ANPEP: variants seen among roughly 807,000 people sequenced by gnomAD.
ANPEP encodes aminopeptidase N.
ANPEP carries 70 observed loss-of-function variants against 114.6 expected under a neutral mutation model. The ratio of observed to expected loss-of-function variants is 0.61; its 90% CI spans 0.50 to 0.75. ANPEP has a LOEUF of 0.75. Ranked by LOEUF, ANPEP falls within the 30% of genes least tolerant of loss-of-function variation. ANPEP has a pLI of 0.00. For synonymous variants in ANPEP, 548 were observed against 522.3 expected, an observed-to-expected ratio of 1.05 and a Z score of -0.67; for missense variants, 1,184 against 1,259.5, an observed-to-expected ratio of 0.94 and a Z score of 0.91.
Position 89,806,587 on chromosome 15 carries a change from G to A in ANPEP, c.-4C>T, listed in dbSNP as rs747767728. On this transcript the variant is annotated 5_prime_UTR_variant, in exon 2 of 21. Transcript: ENST00000300060. This position sits in a 1 kb window ranked among gnomAD's most constrained non-coding sequence, Gnocchi z 5.7. ...AAATATAGAAGCCCTTGGCCATGGT[G>A]ATGGTGGGGAGGCGGCTCAGGGAGC... 1.3e-6 allele frequency: 2 copies of A among 1,586,902 alleles called. No homozygotes were observed. Among genetic ancestry groups the A allele is most frequent in the South Asian group, 1.1e-5 (1 of 88,412 alleles).
In ANPEP at chr15:89,804,472, C is replaced by G. The variant is rs754104180; in HGVS notation, c.1024+19G>C. On this transcript the variant is annotated intron_variant, in intron 5 of 20. Transcript: ENST00000300060. ...TGGAGCTCCATCCACTGCCTCCCTC[C>G]TCAAGGACCCCCACTCACCTGATTT... is the stretch of plus-strand genomic sequence containing the variant. The G allele has an allele frequency of 1.9e-6, 3 of 1,614,152 alleles. No individual in the cohort carries two copies. The East Asian group carries it at 6.7e-5, about 36-fold the overall frequency.
At chr15:89,797,798 C>A (rs1355368808) in intron 14 of ANPEP, 76 bp from the exon 15 acceptor site, 18 of 1,587,846 alleles carry the variant, frequency 1.1e-5, no homozygotes, top group Non-Finnish European at 1.5e-5. Context: ...CAACCCAGGC[C>A]CTCAAAGATG....
chr15:89,803,650 G>T lies in ANPEP; in HGVS notation c.1434C>A (p.Ser478Arg), dbSNP rs371398651. The T allele has an allele frequency of 3.1e-6, 5 of 1,611,170 alleles. No individual in the cohort carries two copies. In the South Asian group the frequency reaches 5.5e-5, roughly 18 times the overall value. ...CCCCACGAGGAGCGGGCTGCACCTT[G>T]CTGTAGGAGATGGCGTCAAACAGCT... Reference protein sequence around the residue: ...ISELFDAISYSKGASVLRMLS... With the variant: ...ISELFDAISYRKGASVLRMLS... Residue 478 changes from serine to arginine, a missense_variant, in exon 8 of 21, where the codon AGC becomes AGA. Ser to Arg is a moderately radical substitution (Grantham distance 110). Transcript: ENST00000300060. This position sits in a 1 kb window ranked among gnomAD's most constrained non-coding sequence, Gnocchi z 4.2.
chr15:89,801,155 C>T lies in ANPEP; in HGVS notation c.1775G>A (p.Arg592Lys), dbSNP rs572194006. The change falls in exon 12 of 21, where the codon AGA becomes AAA. Residue 592 changes from arginine (R) to lysine (K), a missense_variant. Transcript: ENST00000300060. ...GTAGTCCTGCTGCTGTCTGCCATCT[C>T]TGATGGATGTGATGGGCACAATCCA... ...YVWIVPITSI[R>K]DGRQQQDYWL... 6.8e-6 allele frequency: 11 copies of T among 1,614,158 alleles called. No individual in the cohort carries two copies. The South Asian group carries it at 1.2e-4, about 18-fold the overall frequency.
In ANPEP at chr15:89,801,607, C is replaced by T; in HGVS notation, c.1570G>A (p.Ala524Thr). The change falls in exon 11 of 21, where the codon GCT becomes ACT. Residue 524 changes from alanine (A) to threonine (T), a missense_variant and splice_region_variant. Coordinates refer to ENST00000300060, the MANE Select transcript of ANPEP (RefSeq NM_001150.3). ...YLNLWDHLQE[A>T]VNNRSIQLPT... ...AGTTGGATGGACCGGTTGTTCACAG[C>T]CTGTGGGTGGAGCGAGAGGGCGTGG... 1.2e-6 allele frequency: 2 copies of T among 1,613,240 alleles called. No homozygotes were observed. Among genetic ancestry groups the T allele is most frequent in the Non-Finnish European group, 1.7e-6 (2 of 1,179,426 alleles).
chr15:89,797,084 C>T lies in ANPEP; in HGVS notation c.2157+491G>A, dbSNP rs116755779. On this transcript the variant is annotated intron_variant, in intron 15 of 20. Transcript: ENST00000300060. ...TCAGCCTTAAGATACTCCAAAGCAG[C>T]CAATACCCACATCTCTCTCATAGCG... 8.2e-3 allele frequency among the ~76,000 whole-genome samples: 1,243 copies of T among 152,222 alleles called. 28 individuals carry two copies. Among genetic ancestry groups the T allele is most frequent in the African/African-American group, 0.029 (1,193 of 41,490 alleles).
chr15:89,791,164 C>T lies in ANPEP; in HGVS notation c.2529-71G>A, dbSNP rs925484078. 5.1e-5 allele frequency: 79 copies of T among 1,543,400 alleles called. 2 individuals are homozygous for T. The highest frequency in any genetic ancestry group is 3.4e-4 in the South Asian group (29 of 84,240). Reference sequence around the variant, plus strand: ...TCAGGAGAGAACTTGGACTGTCCCACGCACATCACCTATGCCTGCATCCTC... The same window carrying T: ...TCAGGAGAGAACTTGGACTGTCCCATGCACATCACCTATGCCTGCATCCTC... On this transcript the variant is annotated intron_variant, in intron 18 of 20. Coordinates refer to ENST00000300060, the MANE Select transcript of ANPEP (RefSeq NM_001150.3).
rs1397225484 is a variant in ANPEP, at chr15:89,792,472, C to T, written c.2340G>A (p.Met780Ile). 6.2e-7 allele frequency: 1 copy of T among 1,614,016 alleles called. No homozygotes were observed. Among genetic ancestry groups the T allele is most frequent in the African/African-American group, 1.3e-5 (1 of 74,898 alleles). ...CTCACGGGTTATTATTGGGGTTCTC[C>T]ATCCACTGCTTGAAAAGGCCAGAGA... Reference protein sequence around the residue: ...EMVSGLFKQWMENPNNNPIHP... With the variant: ...EMVSGLFKQWIENPNNNPIHP... Residue 780 changes from methionine to isoleucine, a missense_variant, in exon 17 of 21, where the codon ATG becomes ATA. Coordinates refer to ENST00000300060, the MANE Select transcript of ANPEP (RefSeq NM_001150.3).
At chr15:89,797,108 C>T (rs547167351) in intron 15 of ANPEP, among the ~76,000 whole-genome samples, 89 of 152,168 alleles carry the variant, frequency 5.8e-4, no homozygotes, top group Non-Finnish European at 1.0e-3. Flanking sequence ...TCTCTCATAG[C>T]GCAGGTGGGC....
rs924344425 is a variant in ANPEP, at chr15:89,806,721, C to T, written c.-138G>A. On this transcript the variant is annotated 5_prime_UTR_variant, in exon 2 of 21. Transcript: ENST00000300060. This position sits in a 1 kb window ranked among gnomAD's most constrained non-coding sequence, Gnocchi z 5.7. ...AAAAATTAACCAGGGCTCCAACAGG[C>T]GAAGGTCACTGGACTGGGCAGGGGC... 2.3e-5 allele frequency: 31 copies of T among 1,367,240 alleles called. No individual in the cohort carries two copies. The highest frequency in any genetic ancestry group is 1.1e-4 in the Admixed American group (4 of 35,166). 84.7% of individuals were successfully genotyped at this position (1,367,240 alleles called of 1,614,324 possible). A position where few individuals can be genotyped will look rare whatever the true frequency, so the allele number is the denominator to read the frequency against.
intron 12 of ANPEP, among the ~76,000 whole-genome samples, chr15:89,800,657 G>A (rs1356011000): frequency 6.6e-6 from 1 of 150,824 alleles, no homozygotes; most frequent in Admixed American, 6.6e-5. Flanking sequence ...TGCCTCCCAG[G>A]TTCAAGCAAT....
chr15:89,811,538 C>T (rs1366498695), intron 1 of ANPEP, among the ~76,000 whole-genome samples: 1 of 151,202 alleles, frequency 6.6e-6, no homozygotes, highest in Non-Finnish European at 1.5e-5. Flanking sequence ...CCCAACTACT[C>T]GGGAGGCTGA....
At chr15:89,808,799 G>A (rs970816789) in intron 1 of ANPEP, among the ~76,000 whole-genome samples, 1 of 152,222 alleles carries the variant, frequency 6.6e-6, no homozygotes, top group African/African-American at 2.4e-5. Context: ...TTGCAGGAAG[G>A]CTTCTTAAAT....
intron 20 of ANPEP, among the ~76,000 whole-genome samples, chr15:89,786,753 C>T (rs1380299402): frequency 1.3e-5 from 2 of 149,544 alleles, no homozygotes; most frequent in Admixed American, 1.3e-4. Context: ...CACTACAAAA[C>T]TATAGTAATC....
chr15:89,805,907 C>T, intron 2 of ANPEP, 63 bp downstream of exon 2: 1 of 1,536,126 alleles, frequency 6.5e-7, no homozygotes. Context: ...CCTTGGCCCT[C>T]AGAATCCAGC....
intron 1 of ANPEP, among the ~76,000 whole-genome samples, chr15:89,814,109 C>T (rs1365662874): frequency 6.6e-6 from 1 of 152,050 alleles, no homozygotes; most frequent in East Asian, 1.9e-4. Flanking sequence ...GTCTCAGTTG[C>T]TCACCAGGGA....
chr15:89,805,069 G>C lies in ANPEP; in HGVS notation c.897+9C>G. ...CCCACGTGAAGGAGAGATGGGCCCA[G>C]CCTCATACCAAGACACCATTGGATG... On this transcript the variant is annotated intron_variant, in intron 4 of 20. Transcript: ENST00000300060. The C allele has an allele frequency of 6.2e-7, 1 of 1,614,236 alleles. No individual in the cohort carries two copies. Among genetic ancestry groups the C allele is most frequent in the Non-Finnish European group, 8.5e-7 (1 of 1,180,030 alleles).
chr15:89,810,790 C>A (rs975716230), intron 1 of ANPEP, among the ~76,000 whole-genome samples: 8 of 152,208 alleles, frequency 5.3e-5, no homozygotes, highest in African/African-American at 1.9e-4. Context: ...CCCAGTGATT[C>A]TCTGGCCTCA....
chr15:89,784,976 G>T lies in ANPEP; in HGVS notation c.*373C>A. On this transcript the variant is annotated 3_prime_UTR_variant, in exon 21 of 21. Transcript: ENST00000300060. ...GCCCTGTTGATTCCTCAGATTTAGG[G>T]TCTTTAGGGAAAGGTGAAAGAGGGT... is the stretch of plus-strand genomic sequence containing the variant. The T allele has an allele frequency of 5.1e-6, 1 of 197,666 alleles. No individual in the cohort carries two copies. Among genetic ancestry groups the T allele is most frequent in the Non-Finnish European group, 1.0e-5 (1 of 95,620 alleles). The allele number at this position is 197,666 out of a possible 1,614,324, so 12.2% of individuals were successfully genotyped here. A position where few individuals can be genotyped will look rare whatever the true frequency, so the allele number is the denominator to read the frequency against.
Sources: allele counts gnomAD v4.1 joint callset (sites outside exome capture counted in the v4.1 genomes callset), GRCh38; gene constraint gnomAD v4.1.1; non-coding constraint Gnocchi (gnomAD v3.1); transcripts MANE v1.5; gene names NCBI Gene and HGNC (gene_info 2026-07-23, HGNC 2026-07-21).